The following PPP2R3B variants were observed in gnomAD, a reference collection of about 807,000 sequenced individuals.
The protein encoded by PPP2R3B is serine/threonine-protein phosphatase 2A regulatory subunit B'' subunit beta.
A neutral mutation model predicts 72.9 loss-of-function variants in PPP2R3B; 68 were observed. That is an observed-to-expected ratio of 0.93 (90% CI 0.77 to 1.14). The LOEUF is 1.14. PPP2R3B is among the 50% of genes most tolerant of loss of function. PPP2R3B has a pLI of 0.00. For synonymous variants in PPP2R3B, 466 were observed against 375.8 expected, an observed-to-expected ratio of 1.24 and a Z score of -2.78; for missense variants, 1,018 against 842.0, an observed-to-expected ratio of 1.21 and a Z score of -2.59.
intron 2 of PPP2R3B, among the ~76,000 whole-genome samples, chrX:349,129 A>G (rs1345193445): frequency 6.6e-6 from 1 of 152,156 alleles, no homozygotes; most frequent in Non-Finnish European, 1.5e-5. Flanking sequence ...CTGGGTCCCC[A>G]AGATCCACGT....
At chrX:342,335 CAGCAACGGGAGGCGGG>C (rs2071100115) in intron 7 of PPP2R3B, 1 of 241,574 alleles carries the variant, frequency 4.1e-6, no homozygotes, top group Admixed American at 5.6e-5. Context: ...AGTGAGACCT[CAGCAACGGGAGGCGGG>C]AGTGAGACCT....
rs200654707 is a variant in PPP2R3B at position 338,465 on chromosome X, CCT to C, written c.1577+137_1577+138del. ...GCCCCGTGTCAGGTCTCACCCCGCC[CCT>C]CTGTGTCCGCGCACCCCACCTGACT... is the stretch of plus-strand genomic sequence containing the variant. On this transcript the variant is annotated intron_variant, in intron 12 of 12. Transcript: ENST00000390665. 9.9e-3 allele frequency: 8,381 copies of C among 846,870 alleles called. 106 individuals carry two copies. The highest frequency in any genetic ancestry group is 0.012 in the Non-Finnish European group (6,534 of 530,024). 52.5% of individuals were successfully genotyped at this position (846,870 alleles called of 1,614,324 possible).
intron 3 of PPP2R3B, 41 bp from the exon 4 acceptor site, chrX:347,377 G>T: frequency 1.3e-6 from 2 of 1,590,186 alleles, no homozygotes; most frequent in South Asian, 1.1e-5. Flanking sequence ...TCACAGGGGG[G>T]TGGCTTTCGA....
chrX:369,883 C>T (rs1276138494), intron 1 of PPP2R3B, among the ~76,000 whole-genome samples: 4 of 152,308 alleles, frequency 2.6e-5, no homozygotes, highest in South Asian at 2.1e-4. Context: ...CAGCGGGAGG[C>T]GGAAGCACGG....
At chrX:339,326 G>T (rs1392210373) in intron 10 of PPP2R3B, among the ~76,000 whole-genome samples, 1 of 132,156 alleles carries the variant, frequency 7.6e-6, no homozygotes, top group Non-Finnish European at 1.6e-5. Flanking sequence ...TTTCCAAAGT[G>T]AAAGTCCCAG....
At chrX:353,328 G>A (rs369949335) in intron 2 of PPP2R3B, among the ~76,000 whole-genome samples, 1 of 152,034 alleles carries the variant, frequency 6.6e-6, no homozygotes, top group African/African-American at 2.4e-5. Flanking sequence ...GAGGTGAGAT[G>A]GTGCCATTGC....
At chrX:363,256 TGATCCCGCAGTGCATCTCCCCGAGCCCAC>T (rs2071582830) in intron 1 of PPP2R3B, among the ~76,000 whole-genome samples, 2 of 118,394 alleles carry the variant, frequency 1.7e-5, no homozygotes, top group Admixed American at 1.6e-4. Context: ...CCCGAGCCCA[TGATCCCGCAGTGCATCTCCCCGAGCCCAC>T]GATCCCGCAG....
intron 10 of PPP2R3B, among the ~76,000 whole-genome samples, chrX:339,128 G>A (rs1456851545): frequency 1.8e-5 from 2 of 111,176 alleles, no homozygotes; most frequent in Admixed American, 8.8e-5. Context: ...GGTGCCCCAA[G>A]GATGCGTGGA....
intron 2 of PPP2R3B, among the ~76,000 whole-genome samples, chrX:354,115 G>C (rs1569395490): frequency 2.7e-4 from 35 of 129,442 alleles, no homozygotes; most frequent in Non-Finnish European, 3.5e-4. Context: ...CCCAAACACA[G>C]GGGGCTCACC....
chrX:334,636 A>C lies in PPP2R3B; in HGVS notation c.1578-119T>G, dbSNP rs758168654. The C allele has an allele frequency of 6.9e-5, 81 of 1,173,044 alleles. No homozygotes were observed. The African/African-American group carries it at 1.2e-3, about 18-fold the overall frequency. The allele number at this position is 1,173,044 out of a possible 1,614,324, so 72.7% of individuals were successfully genotyped here. A position where few individuals can be genotyped will look rare whatever the true frequency, so the allele number is the denominator to read the frequency against. On this transcript the variant is annotated intron_variant, in intron 12 of 12. Coordinates refer to ENST00000390665, the MANE Select transcript of PPP2R3B (RefSeq NM_013239.5). ...CAGCACGAGACAGTCCCCTGAGCCG[A>C]CCTTGAGCTCCAGCCGCTGAGCCAG...
chrX:344,802 G>A (rs1401418937), intron 7 of PPP2R3B: 1 of 290,018 alleles, frequency 3.4e-6, no homozygotes, highest in Non-Finnish European at 6.7e-6. Context: ...ACGCGACCCA[G>A]GACCAGCCCC....
In PPP2R3B at chrX:341,906, C is replaced by G; in HGVS notation, c.1062G>C (p.Arg354Ser). 6.2e-7 allele frequency: 1 copy of G among 1,612,720 alleles called. No individual in the cohort carries two copies. The highest frequency in any genetic ancestry group is 8.5e-7 in the Non-Finnish European group (1 of 1,179,764). ...DHALSTKMID[R>S]IFSGAVTRGR... Reference sequence around the variant, plus strand: ...ACCGTGTGACTGCTCCTGAGAAGATCCTGTCTATCATCTTGGTAGAAAGGG... The same window carrying G: ...ACCGTGTGACTGCTCCTGAGAAGATGCTGTCTATCATCTTGGTAGAAAGGG... Residue 354 changes from arginine to serine, a missense_variant, in exon 8 of 13, where the codon AGG (arginine) becomes AGC (serine). Arg to Ser is a moderately radical substitution (Grantham distance 110, BLOSUM62 -1). Transcript: ENST00000390665.
chrX:384,883 G>A (rs2072209931), intron 1 of PPP2R3B, among the ~76,000 whole-genome samples: 1 of 151,006 alleles, frequency 6.6e-6, no homozygotes, highest in Non-Finnish European at 1.5e-5. Flanking sequence ...TACTCGGGAG[G>A]CTGAGGGAGG....
intron 1 of PPP2R3B, among the ~76,000 whole-genome samples, chrX:362,077 G>C (rs188023488): frequency 6.6e-6 from 1 of 152,230 alleles, no homozygotes; most frequent in African/African-American, 2.4e-5. Context: ...CTCACATTCT[G>C]AGAGGCAGAG....
chrX:360,766 C>T (rs925036483), intron 2 of PPP2R3B, among the ~76,000 whole-genome samples: 6 of 152,308 alleles, frequency 3.9e-5, no homozygotes, highest in Admixed American at 2.0e-4. Flanking sequence ...ACACAACCAC[C>T]CACCAGGGGT....
chrX:382,512 T>C (rs1202588204), intron 1 of PPP2R3B, among the ~76,000 whole-genome samples: 3 of 145,452 alleles, frequency 2.1e-5, no homozygotes, highest in African/African-American at 8.2e-5. Context: ...TTTCACCGCC[T>C]CCCTTGGTCC....
At chrX:362,503 G>A (rs1237860119) in intron 1 of PPP2R3B, among the ~76,000 whole-genome samples, 1 of 150,048 alleles carries the variant, frequency 6.7e-6, no homozygotes, top group East Asian at 2.0e-4. Context: ...CAACTACTCG[G>A]GACGAGGCTT....
chrX:383,695 G>A (rs1476849076), intron 1 of PPP2R3B, among the ~76,000 whole-genome samples: 8 of 151,482 alleles, frequency 5.3e-5, no homozygotes, highest in South Asian at 2.1e-4. Flanking sequence ...AAAATTAGCC[G>A]GGCGTGGTGG....
At chrX:341,700 T>C (rs1268519223) in intron 8 of PPP2R3B, 183 bp downstream of exon 8, 4 of 737,638 alleles carry the variant, frequency 5.4e-6, no homozygotes, top group African/African-American at 2.0e-5. Context: ...CGCGTGACAG[T>C]CTTGTGCCAC....
Sources: allele counts gnomAD v4.1 joint callset (sites outside exome capture counted in the v4.1 genomes callset), GRCh38; gene constraint gnomAD v4.1.1; transcripts MANE v1.5; gene names NCBI Gene and HGNC (gene_info 2026-07-23, HGNC 2026-07-21).